Variants in WDR49 observed in about 807,000 individuals in gnomAD.
WDR49 encodes cilia- and flagella-associated protein 337.
Under a neutral mutation model 119.5 loss-of-function variants are expected in WDR49, and 107 were observed. That is an observed-to-expected ratio of 0.90 (90% CI 0.77 to 1.05). The LOEUF is 1.05. Among genes scored for constraint, WDR49 ranks in the 50% least tolerant of loss-of-function variants. WDR49 has a pLI of 0.00. For synonymous variants in WDR49, 425 were observed against 418.8 expected (o/e 1.01, Z -0.18); for missense variants, 1,240 against 1,220.5 (o/e 1.02, Z -0.24).
chr3:167,597,182 C>T (rs933760506), intron 7 of WDR49, among the ~76,000 whole-genome samples: 5 of 152,304 alleles, frequency 3.3e-5, no homozygotes, highest in East Asian at 1.9e-4. Flanking sequence ...GGGAATGGTA[C>T]CCTGCATCCC....
intron 5 of WDR49, among the ~76,000 whole-genome samples, chr3:167,618,374 CT>C (rs1431850149): frequency 7.9e-5 from 12 of 152,092 alleles, no homozygotes; most frequent in African/African-American, 2.7e-4. Context: ...TCTCAAATGC[CT>C]AAGACAGTTT....
At chr3:167,531,036 C>A in intron 13 of WDR49, 79 bp downstream of exon 13, 2 of 1,455,286 alleles carry the variant, frequency 1.4e-6, no homozygotes, top group South Asian at 2.7e-5. Flanking sequence ...TCAAATTCTA[C>A]AAGATCTAGT....
At chr3:167,616,117 A>G (rs1473643919) in intron 5 of WDR49, among the ~76,000 whole-genome samples, 1 of 152,262 alleles carries the variant, frequency 6.6e-6, no homozygotes, top group East Asian at 1.9e-4. Flanking sequence ...CCTACTACAT[A>G]GTAATTACCT....
intron 7 of WDR49, among the ~76,000 whole-genome samples, chr3:167,595,630 A>G (rs541598875): frequency 6.6e-6 from 1 of 152,234 alleles, no homozygotes; most frequent in Admixed American, 6.5e-5. Flanking sequence ...AGGATTCCCT[A>G]TTTAATAAAT....
chr3:167,504,246 A>G (rs1356948204), intron 17 of WDR49, among the ~76,000 whole-genome samples: 1 of 152,216 alleles, frequency 6.6e-6, no homozygotes, highest in African/African-American at 2.4e-5. Context: ...AAGAAGCTAC[A>G]GGCACTCAAC....
At chr3:167,512,872 T>C (rs1253155964) in intron 16 of WDR49, among the ~76,000 whole-genome samples, 1 of 152,152 alleles carries the variant, frequency 6.6e-6, no homozygotes, top group East Asian at 1.9e-4. Context: ...TTGATGACTA[T>C]CTTGCTGAAA....
At chr3:167,509,016 T>C (rs1327006758) in intron 16 of WDR49, among the ~76,000 whole-genome samples, 1 of 152,230 alleles carries the variant, frequency 6.6e-6, no homozygotes, top group Non-Finnish European at 1.5e-5. Context: ...ATCATAATTA[T>C]TTTCCATGTT....
At chr3:167,499,551 T>A (rs1393854346) in intron 18 of WDR49, among the ~76,000 whole-genome samples, 2 of 152,220 alleles carry the variant, frequency 1.3e-5, no homozygotes, top group Non-Finnish European at 2.9e-5. Flanking sequence ...GAAGAATTTT[T>A]CTACAGAATT....
Position 167,560,051 on chromosome 3 carries a change from A to T in WDR49, c.1674+13T>A. 1 of 1,613,760 alleles carries T rather than the reference A, an allele frequency of 6.2e-7. No individual in the cohort carries two copies. Among genetic ancestry groups the T allele is most frequent in the South Asian group, 1.1e-5 (1 of 91,018 alleles). ...CCTCATATCTGGATAGAAAAGCATC[A>T]TTGTGTTCGCACCTTTACAGTCCCA... is the stretch of plus-strand genomic sequence containing the variant. On this transcript the variant is annotated intron_variant, in intron 9 of 18. Coordinates refer to ENST00000682715, the MANE Select transcript of WDR49 (RefSeq NM_001366157.1).
intron 18 of WDR49, among the ~76,000 whole-genome samples, chr3:167,493,213 G>A (rs1751220417): frequency 1.3e-5 from 2 of 152,136 alleles, no homozygotes; most frequent in African/African-American, 4.8e-5. Context: ...CTCTCGCAGT[G>A]ATTTTTCCAA....
upstream of WDR49, among the ~76,000 whole-genome samples, chr3:167,656,812 C>T (rs910048592): frequency 6.6e-6 from 1 of 152,156 alleles, no homozygotes; most frequent in Non-Finnish European, 1.5e-5. Context: ...CTCTTGCTTG[C>T]CATGAATCAA....
chr3:167,540,472 C>G lies in WDR49; in HGVS notation c.1824-3472G>C, dbSNP rs893229580. On this transcript the variant is annotated intron_variant, in intron 10 of 18. Coordinates refer to ENST00000682715, the MANE Select transcript of WDR49 (RefSeq NM_001366157.1). ...CTCCAGTCTGGCTCGTAGGAAGCCC[C>G]ATCCCTAGGGGAAGGGGAAGGGACA... Among the ~76,000 whole-genome samples, 131 of 152,100 alleles carry G rather than the reference C, an allele frequency of 8.6e-4. 1 individual carries two copies. The highest frequency in any genetic ancestry group is 3.1e-3 in the African/African-American group (127 of 41,444).
At chr3:167,600,159 C>T (rs113279267) in intron 7 of WDR49, among the ~76,000 whole-genome samples, 113 of 152,096 alleles carry the variant, frequency 7.4e-4, no homozygotes, top group African/African-American at 2.1e-3. Context: ...TCTCCTCAAG[C>T]GGAAGGAAGG....
chr3:167,614,064 T>C (rs1716480506), intron 5 of WDR49, among the ~76,000 whole-genome samples: 1 of 152,212 alleles, frequency 6.6e-6, no homozygotes, highest in Non-Finnish European at 1.5e-5. Context: ...TTTTTGTTGC[T>C]GACAATTTCA....
At chr3:167,625,556 A>T (rs1011096563) in intron 3 of WDR49, among the ~76,000 whole-genome samples, 10 of 152,060 alleles carry the variant, frequency 6.6e-5, no homozygotes, top group African/African-American at 2.4e-4. Flanking sequence ...TTTCTTTCTT[A>T]TAGAGGTATT....
upstream of WDR49, among the ~76,000 whole-genome samples, chr3:167,655,542 G>A (rs919963951): frequency 6.6e-6 from 1 of 151,940 alleles, no homozygotes; most frequent in Admixed American, 6.6e-5. Context: ...AAAAAATGAA[G>A]TTTCATTCAT....
At chr3:167,560,897 G>T (rs1461340872) in intron 8 of WDR49, among the ~76,000 whole-genome samples, 1 of 152,118 alleles carries the variant, frequency 6.6e-6, no homozygotes, top group East Asian at 1.9e-4. Context: ...GTTCAAAAAT[G>T]AGAAATTTTA....
chr3:167,528,505 C>A (rs1178635402), intron 14 of WDR49, among the ~76,000 whole-genome samples: 3 of 146,602 alleles, frequency 2.0e-5, no homozygotes, highest in Non-Finnish European at 4.4e-5. Context: ...CCTAGTGAGA[C>A]CCTGTCTCTA....
intron 18 of WDR49, among the ~76,000 whole-genome samples, chr3:167,479,737 G>T (rs1750627354): frequency 6.6e-6 from 1 of 152,072 alleles, no homozygotes; most frequent in Non-Finnish European, 1.5e-5. Flanking sequence ...TATAAGCAAT[G>T]CAAACTGTGT....
Sources: gnomAD v4.1 joint callset for allele counts (sites outside exome capture counted in the v4.1 genomes callset) on GRCh38, gnomAD v4.1.1 for gene constraint, MANE v1.5 for transcripts, NCBI Gene and HGNC (gene_info 2026-07-23, HGNC 2026-07-21) for gene names.